SLC25A21: variants seen among roughly 807,000 people sequenced by gnomAD.
SLC25A21 encodes mitochondrial 2-oxodicarboxylate carrier.
Under a neutral mutation model 43.8 loss-of-function variants are expected in SLC25A21, and 47 were observed. The observed-to-expected ratio is 1.07, with a 90% CI of 0.85 to 1.37. The LOEUF (loss-of-function observed/expected upper bound fraction) is 1.37. SLC25A21 is among the 40% of genes most tolerant of loss of function. The pLI is 0.00. For missense variants in SLC25A21, 352 were observed against 350.2 expected (o/e 1.00, Z -0.04); for synonymous variants, 131 against 121.3 (o/e 1.08, Z -0.52).
chr14:36,877,443 A>G (rs114479439), intron 1 of SLC25A21, among the ~76,000 whole-genome samples: 1,595 of 152,316 alleles, frequency 0.01, 34 homozygotes, highest in African/African-American at 0.036. Context: ...ATTATTTTCA[A>G]TCCCCTATGA....
intron 1 of SLC25A21, among the ~76,000 whole-genome samples, chr14:36,898,815 T>A (rs931302985): frequency 1.6e-4 from 25 of 152,162 alleles, no homozygotes; most frequent in Non-Finnish European, 2.8e-4. Context: ...GGATACACCA[T>A]TTCCCCAGCC....
At chr14:37,095,256 G>A (rs1453755250) in intron 1 of SLC25A21, among the ~76,000 whole-genome samples, 2 of 152,186 alleles carry the variant, frequency 1.3e-5, no homozygotes, top group Non-Finnish European at 2.9e-5. Flanking sequence ...GGTGGCACAT[G>A]CCTGTAATCC....
intron 1 of SLC25A21, among the ~76,000 whole-genome samples, chr14:37,112,382 A>G (rs966710423): frequency 6.6e-6 from 1 of 152,218 alleles, no homozygotes; most frequent in Non-Finnish European, 1.5e-5. Flanking sequence ...AAGAATAAAG[A>G]GGGAGAAATA....
intron 9 of SLC25A21, among the ~76,000 whole-genome samples, chr14:36,681,712 T>G (rs558119209): frequency 3.3e-5 from 5 of 152,290 alleles, no homozygotes; most frequent in Non-Finnish European, 5.9e-5. Flanking sequence ...TGGGTCTTAG[T>G]TATTTTGAAC....
At chr14:36,907,445 C>T (rs1030284532) in intron 1 of SLC25A21, among the ~76,000 whole-genome samples, 1 of 152,044 alleles carries the variant, frequency 6.6e-6, no homozygotes, top group African/African-American at 2.4e-5. Context: ...ATTGTGGATG[C>T]TTATTTTTTT....
chr14:37,065,016 CT>C (rs1395246099), intron 1 of SLC25A21, among the ~76,000 whole-genome samples: 1 of 152,140 alleles, frequency 6.6e-6, no homozygotes, highest in Middle Eastern at 3.2e-3. Context: ...AACTTATGGT[CT>C]ATTTGGAAAA....
chr14:36,920,888 G>T (rs1021387762), intron 1 of SLC25A21, among the ~76,000 whole-genome samples: 1 of 151,986 alleles, frequency 6.6e-6, no homozygotes, highest in African/African-American at 2.4e-5. Flanking sequence ...TGTATAAAAA[G>T]GCACTAAATC....
intron 3 of SLC25A21, among the ~76,000 whole-genome samples, chr14:36,747,992 C>A (rs1392018576): frequency 6.6e-6 from 1 of 152,170 alleles, no homozygotes; most frequent in Non-Finnish European, 1.5e-5. Context: ...AGCAATTGTG[C>A]ACAATGCTTT....
At chr14:36,724,148 T>C (rs573793087) in intron 6 of SLC25A21, among the ~76,000 whole-genome samples, 1 of 152,350 alleles carries the variant, frequency 6.6e-6, no homozygotes, top group Non-Finnish European at 1.5e-5. Context: ...AAAACTAGAA[T>C]ACAGAGATTT....
At chr14:36,892,691 C>T (rs1891108466) in intron 1 of SLC25A21, among the ~76,000 whole-genome samples, 1 of 152,060 alleles carries the variant, frequency 6.6e-6, no homozygotes, top group Admixed American at 6.6e-5. Flanking sequence ...AATGCTATCC[C>T]TCCCCACTCC....
chr14:36,919,832 T>C (rs893236234), intron 1 of SLC25A21, among the ~76,000 whole-genome samples: 3 of 152,012 alleles, frequency 2.0e-5, no homozygotes, highest in African/African-American at 7.2e-5. Context: ...GACCACATTA[T>C]TATATCACTT....
In SLC25A21 at chr14:36,680,226, C is replaced by T. The variant is rs1882159291; in HGVS notation, c.*432G>A. ...ATTATAAAAACTGCTTAAATTTTGG[C>T]TTAACTTTTTTTTAATCCAGTCTTT... is the stretch of plus-strand genomic sequence containing the variant. On this transcript the variant is annotated 3_prime_UTR_variant, in exon 10 of 10. Coordinates refer to ENST00000331299, the MANE Select transcript of SLC25A21 (RefSeq NM_030631.4). 1.1e-6 allele frequency: 1 copy of T among 919,268 alleles called. No individual in the cohort carries two copies. Among genetic ancestry groups the T allele is most frequent in the Non-Finnish European group, 1.3e-6 (1 of 770,444 alleles). 56.9% of individuals were successfully genotyped at this position (919,268 alleles called of 1,614,324 possible).
chr14:37,012,547 A>G (rs1403437720), intron 1 of SLC25A21, among the ~76,000 whole-genome samples: 2 of 152,194 alleles, frequency 1.3e-5, no homozygotes, highest in Non-Finnish European at 2.9e-5. Flanking sequence ...AGAAAATTTA[A>G]CCTCAGTTTC....
chr14:37,070,536 C>G (rs1566858861), intron 1 of SLC25A21, among the ~76,000 whole-genome samples: 1 of 152,118 alleles, frequency 6.6e-6, no homozygotes, highest in Non-Finnish European at 1.5e-5. Context: ...ATAGCCCCCC[C>G]TTTTGATGCT....
chr14:36,725,581 T>C lies in SLC25A21; in HGVS notation c.427A>G (p.Thr143Ala), dbSNP rs1272506434. 1 of 1,576,026 alleles carries C rather than the reference T, an allele frequency of 6.3e-7. No individual in the cohort carries two copies. Among genetic ancestry groups the C allele is most frequent in the Non-Finnish European group, 8.6e-7 (1 of 1,161,374 alleles). ...CATTAAATGGTTACCTCTGCAAATG[T>C]GTTCCGATTTGCTTGCAAGCCAACT... ...VKVGLQANRN[T>A]FAEQPSTVGY... The change falls in exon 6 of 10, where the codon ACA becomes GCA. Residue 143 changes from threonine to alanine, a missense_variant. Coordinates refer to ENST00000331299, the MANE Select transcript of SLC25A21 (RefSeq NM_030631.4).
chr14:36,772,243 A>G (rs1050255449), intron 3 of SLC25A21, among the ~76,000 whole-genome samples: 11 of 152,168 alleles, frequency 7.2e-5, no homozygotes, highest in Non-Finnish European at 1.5e-5. Flanking sequence ...AAGCAAAACA[A>G]GGGAAAATTT....
chr14:36,780,065 T>A (rs1311201434), intron 3 of SLC25A21, among the ~76,000 whole-genome samples: 1 of 151,992 alleles, frequency 6.6e-6, no homozygotes, highest in Non-Finnish European at 1.5e-5. Flanking sequence ...CATATTGCAG[T>A]CTTAGTAGGC....
chr14:36,903,152 C>A (rs966832797), intron 1 of SLC25A21, among the ~76,000 whole-genome samples: 1 of 152,306 alleles, frequency 6.6e-6, no homozygotes, highest in East Asian at 1.9e-4. Context: ...TTTGCTATAA[C>A]TAGCCTTGCT....
intron 1 of SLC25A21, among the ~76,000 whole-genome samples, chr14:37,135,815 C>T (rs760919717): frequency 6.6e-6 from 1 of 152,208 alleles, no homozygotes; most frequent in Non-Finnish European, 1.5e-5. Context: ...CATCAGCATG[C>T]GTTACGTGAC....
Sources: gnomAD v4.1 joint callset for allele counts (sites outside exome capture counted in the v4.1 genomes callset) on GRCh38, gnomAD v4.1.1 for gene constraint, MANE v1.5 for transcripts, NCBI Gene and HGNC (gene_info 2026-07-23, HGNC 2026-07-21) for gene names.